RPL27: variants seen among roughly 807,000 people sequenced by gnomAD.
RPL27 encodes ribosomal protein L27.
For missense variants in RPL27, 131 were observed against 174.3 expected (o/e 0.75, Z 1.40); for synonymous variants, 77 against 61.0 (o/e 1.26, Z -1.22).
rs759081615 is a variant in RPL27, at chr17:43,000,034, G to A, written c.183G>A (p.Lys61=). 6.2e-7 allele frequency: 1 copy of A among 1,612,964 alleles called. No homozygotes were observed. The highest frequency in any genetic ancestry group is 8.5e-7 in the Non-Finnish European group (1 of 1,179,966). Residue 61 remains lysine (K), a synonymous_variant, in exon 3 of 5, where the codon AAG becomes AAA. Coordinates refer to ENST00000253788, the MANE Select transcript of RPL27 (RefSeq NM_000988.5). ...TGACAGCTGCCATGGGCAAGAAGAA[G>A]ATCGCCAAGAGATCAAAGATAAAAT... is the stretch of plus-strand genomic sequence containing the variant. The part of the protein sequence containing the change: ...RKVTAAMGKK[K]IAKRSKIKSF...
chr17:43,002,585 T>G, intron 3 of RPL27, 88 bp from the exon 4 acceptor site: 1 of 745,732 alleles, frequency 1.3e-6, no homozygotes, highest in East Asian at 2.5e-5. Context: ...AGTCAGACCC[T>G]GATTCCCTAG....
chr17:43,001,534 T>C (rs1245820543), intron 3 of RPL27, among the ~76,000 whole-genome samples: 1 of 150,914 alleles, frequency 6.6e-6, no homozygotes, highest in Non-Finnish European at 1.5e-5. Flanking sequence ...GGTGGGAGAA[T>C]CGCTTGAGTT....
In RPL27 at chr17:43,002,659, A is replaced by C. The variant is rs185963315; in HGVS notation, c.252-14A>C. The stretch of plus-strand genomic sequence containing the variant: ...GTATGTGGGCTAATCCTGCCTCTCC[A>C]CCTTTGTCCCCAGGTACTCTGTGGA... On this transcript the variant is annotated splice_polypyrimidine_tract_variant and intron_variant, in intron 3 of 4. Transcript: ENST00000253788. 4.5e-6 allele frequency: 7 copies of C among 1,545,714 alleles called. No homozygotes were observed. The East Asian group carries it at 1.3e-4, about 30-fold the overall frequency.
intron 3 of RPL27, among the ~76,000 whole-genome samples, chr17:43,002,138 A>T (rs568664541): frequency 6.6e-6 from 1 of 151,940 alleles, no homozygotes; most frequent in Non-Finnish European, 1.5e-5. Context: ...CTAGAAAAAT[A>T]AAGTAGTTGT....
intron 3 of RPL27, among the ~76,000 whole-genome samples, chr17:43,001,662 CT>C (rs1441998370): frequency 6.6e-6 from 1 of 151,470 alleles, no homozygotes; most frequent in Non-Finnish European, 1.5e-5. Context: ...AGAGCTGTTT[CT>C]TGGGTGCTGG....
At chr17:42,999,780 G>T in intron 2 of RPL27, 153 bp from the exon 3 acceptor site, 1 of 609,940 alleles carries the variant, frequency 1.6e-6, no homozygotes, top group Non-Finnish European at 2.9e-6. Context: ...GTTTCTCTTT[G>T]GTCATTTCTC....
At position 42,998,711 on chromosome 17, in the gene RPL27, C is replaced by A. The variant is rs780842058; in HGVS notation, c.-2-38C>A. On this transcript the variant is annotated intron_variant, in intron 1 of 4. Coordinates refer to ENST00000253788, the MANE Select transcript of RPL27 (RefSeq NM_000988.5). ...TCAGCTCTGGGCATCTTTGGCTTTA[C>A]GGATTTTTAAGTGGCCCTTTCTCCT... is the stretch of plus-strand genomic sequence containing the variant. 4 of 1,527,014 alleles carry A rather than the reference C, an allele frequency of 2.6e-6. 1 individual carries two copies. The Admixed American group carries it at 6.7e-5, about 26-fold the overall frequency. 94.6% of individuals were successfully genotyped at this position (1,527,014 alleles called of 1,614,324 possible).
At chr17:43,001,138 TC>T (rs1160630818) in intron 3 of RPL27, among the ~76,000 whole-genome samples, 1 of 140,872 alleles carries the variant, frequency 7.1e-6, no homozygotes, top group African/African-American at 2.7e-5. Flanking sequence ...GGTCAGGAGA[TC>T]GAGACCGCAC....
Position 43,000,231 on chromosome 17 carries a change from G to A in RPL27, c.251+129G>A, listed in dbSNP as rs2050345182. 3 of 722,260 alleles carry A rather than the reference G, an allele frequency of 4.2e-6. No individual in the cohort carries two copies. In the East Asian group the frequency reaches 8.2e-5, roughly 20 times the overall value. 44.7% of individuals were successfully genotyped at this position (722,260 alleles called of 1,614,324 possible). On this transcript the variant is annotated intron_variant, in intron 3 of 4. Coordinates refer to ENST00000253788, the MANE Select transcript of RPL27 (RefSeq NM_000988.5). The stretch of plus-strand genomic sequence containing the variant: ...AAAATGTTCATCTTCAACTCATAAA[G>A]TGGCTATGGTTTCCAGTTTTGCCTT...
chr17:43,000,028 G>A lies in RPL27; in HGVS notation c.177G>A (p.Lys59=). The A allele has an allele frequency of 1.9e-6, 3 of 1,612,854 alleles. No individual in the cohort carries two copies. The South Asian group carries it at 3.3e-5, about 18-fold the overall frequency. The change falls in exon 3 of 5, where the codon AAG becomes AAA. Residue 59 remains lysine (K), a synonymous_variant. Coordinates refer to ENST00000253788, the MANE Select transcript of RPL27 (RefSeq NM_000988.5). ...GCAAAGTGACAGCTGCCATGGGCAA[G>A]AAGAAGATCGCCAAGAGATCAAAGA... is the stretch of plus-strand genomic sequence containing the variant. The part of the protein sequence containing the change: ...YPRKVTAAMG[K]KKIAKRSKIK...
chr17:42,998,652 G>C, intron 1 of RPL27, 97 bp from the exon 2 acceptor site: 1 of 938,048 alleles, frequency 1.1e-6, no homozygotes, highest in Non-Finnish European at 1.7e-6. Flanking sequence ...ACAGTCTGAA[G>C]TTCCGGCCCA....
chr17:43,000,824 G>A (rs1401853893), intron 3 of RPL27, among the ~76,000 whole-genome samples: 4 of 150,680 alleles, frequency 2.7e-5, no homozygotes, highest in Admixed American at 1.3e-4. Flanking sequence ...GGAGGCCAAG[G>A]CGGATGGATC....
intron 3 of RPL27, among the ~76,000 whole-genome samples, chr17:43,001,001 A>T (rs1375060271): frequency 2.6e-5 from 4 of 150,966 alleles, no homozygotes; most frequent in Non-Finnish European, 5.9e-5. Flanking sequence ...GTGAGCCAAG[A>T]TCACACCATT....
chr17:43,002,317 A>G (rs1273007907), intron 3 of RPL27, among the ~76,000 whole-genome samples: 1 of 150,500 alleles, frequency 6.6e-6, no homozygotes. Flanking sequence ...CGTCCTGGCT[A>G]ACACTGTGAA....
Position 42,999,690 on chromosome 17 carries a change from T to C in RPL27, c.82-243T>C, listed in dbSNP as rs982943894. ...TGGCATATAGCAAGTACTTCTTAAA[T>C]GTTAACTGTTGCTACTTTTAAATCT... On this transcript the variant is annotated intron_variant, in intron 2 of 4. Transcript: ENST00000253788. 2.1e-5 allele frequency: 10 copies of C among 483,356 alleles called. No homozygotes were observed. The Admixed American group carries it at 3.6e-4, about 17-fold the overall frequency. 29.9% of individuals were successfully genotyped at this position (483,356 alleles called of 1,614,324 possible).
At chr17:42,998,873 C>T in intron 2 of RPL27, 42 bp downstream of exon 2, 1 of 1,552,164 alleles carries the variant, frequency 6.4e-7, no homozygotes, top group Non-Finnish European at 8.9e-7. Flanking sequence ...ATGCCGGGAC[C>T]AGGCTGGCTG....
chr17:43,000,118 A>G lies in RPL27; in HGVS notation c.251+16A>G. 1.3e-6 allele frequency: 2 copies of G among 1,595,354 alleles called. No homozygotes were observed. The highest frequency in any genetic ancestry group is 1.7e-6 in the Non-Finnish European group (2 of 1,164,368). ...TGCCCACAAGGTGAGCATTTCAAGAACTAGAATTTAAATTTCTTCTCCCTG... is the reference window on the plus strand; with the variant it reads ...TGCCCACAAGGTGAGCATTTCAAGAGCTAGAATTTAAATTTCTTCTCCCTG... On this transcript the variant is annotated intron_variant, in intron 3 of 4. Coordinates refer to ENST00000253788, the MANE Select transcript of RPL27 (RefSeq NM_000988.5).
intron 2 of RPL27, 116 bp downstream of exon 2, chr17:42,998,947 C>A: frequency 2.6e-6 from 2 of 782,644 alleles, no homozygotes; most frequent in South Asian, 1.5e-5. Context: ...TGAGCACGGT[C>A]AGGGTGAACG....
chr17:43,002,485 C>G (rs948046831), intron 3 of RPL27, among the ~76,000 whole-genome samples, 188 bp from the exon 4 acceptor site: 1 of 151,432 alleles, frequency 6.6e-6, no homozygotes, highest in Non-Finnish European at 1.5e-5. Flanking sequence ...CCAGCCTGGA[C>G]GAAAGATTCA....
Sources: allele counts gnomAD v4.1 joint callset (sites outside exome capture counted in the v4.1 genomes callset), GRCh38; gene constraint gnomAD v4.1.1; transcripts MANE v1.5; gene names NCBI Gene and HGNC (gene_info 2026-07-23, HGNC 2026-07-21).